The following EIF2AK1 variants were observed in gnomAD, a reference collection of about 807,000 sequenced individuals.
EIF2AK1 encodes the protein eukaryotic translation initiation factor 2 alpha kinase 1.
EIF2AK1 carries 54 observed loss-of-function variants against 77.9 expected under a neutral mutation model. That is an observed-to-expected ratio of 0.69 (90% CI 0.56 to 0.87). EIF2AK1 has a LOEUF of 0.87. Among genes scored for constraint, EIF2AK1 ranks in the 40% least tolerant of loss-of-function variants. EIF2AK1 has a pLI of 0.00. For synonymous variants in EIF2AK1, 314 were observed against 290.5 expected, an observed-to-expected ratio of 1.08 and a Z score of -0.82; for missense variants, 810 against 768.6, an observed-to-expected ratio of 1.05 and a Z score of -0.64.
At position 6,029,120 on chromosome 7, in the gene EIF2AK1, G is replaced by C. The variant is rs1787829202; in HGVS notation, c.1333-88C>G. The C allele has an allele frequency of 2.7e-6, 3 of 1,097,668 alleles. No homozygotes were observed. The African/African-American group carries it at 4.8e-5, about 17-fold the overall frequency. 68.0% of individuals were successfully genotyped at this position (1,097,668 alleles called of 1,614,324 possible). A position where few individuals can be genotyped will look rare whatever the true frequency, so the allele number is the denominator to read the frequency against. On this transcript the variant is annotated intron_variant, in intron 11 of 14. Coordinates refer to ENST00000199389, the MANE Select transcript of EIF2AK1 (RefSeq NM_014413.4). Reference sequence around the variant, plus strand: ...AATGTTTTTAAGTGTTTGGAACTCAGGAGCAAGCAGCCCCTCAAAAGTTAA... The same window carrying C: ...AATGTTTTTAAGTGTTTGGAACTCACGAGCAAGCAGCCCCTCAAAAGTTAA...
rs751740812 is a variant in EIF2AK1, at chr7:6,023,349, C to A, written c.*1324G>T. 2.9e-5 allele frequency: 46 copies of A among 1,611,036 alleles called. 1 individual carries two copies. The South Asian group carries it at 4.9e-4, about 17-fold the overall frequency. ...TCAGCATCCAGACGATGTGCCCCAT[C>A]GAAGGCGAAGGGAACATTGCACGTT... is the stretch of plus-strand genomic sequence containing the variant. On this transcript the variant is annotated 3_prime_UTR_variant, in exon 15 of 15. Coordinates refer to ENST00000199389, the MANE Select transcript of EIF2AK1 (RefSeq NM_014413.4).
Position 6,038,167 on chromosome 7 carries a change from C to G in EIF2AK1, c.1231+393G>C, listed in dbSNP as rs1020910434. Among the ~76,000 whole-genome samples the G allele has an allele frequency of 3.3e-5, 5 of 152,286 alleles. No individual in the cohort carries two copies. In the East Asian group the frequency reaches 9.6e-4, roughly 29 times the overall value. On this transcript the variant is annotated intron_variant, in intron 10 of 14. Transcript: ENST00000199389. ...CATTCTGGCCAGGTGCAGACGCTCA[C>G]GCCTATAATCTCAGCACTTTGGGAG...
In EIF2AK1 at chr7:6,035,901, GT is replaced by G; in HGVS notation, c.1332+1522del. On this transcript the variant is annotated intron_variant, in intron 11 of 14. Coordinates refer to ENST00000199389, the MANE Select transcript of EIF2AK1 (RefSeq NM_014413.4). The surrounding 1 kb of genome is among the most constrained non-coding windows in gnomAD (Gnocchi z 5.5). ...AGCAGGCCGACTCCTCGGGGCGGGGGTCAGCTGCATCCGTCTGCTACTCACT... is the reference window on the plus strand; with the variant it reads ...AGCAGGCCGACTCCTCGGGGCGGGGGCAGCTGCATCCGTCTGCTACTCACT... 1 of 1,546,870 alleles carries G rather than the reference GT, an allele frequency of 6.5e-7. No homozygotes were observed. Among genetic ancestry groups the G allele is most frequent in the Non-Finnish European group, 8.7e-7 (1 of 1,144,632 alleles).
At chr7:6,028,826 C>T in intron 12 of EIF2AK1, 92 bp downstream of exon 12, 1 of 1,402,102 alleles carries the variant, frequency 7.1e-7, no homozygotes, top group Non-Finnish European at 1.0e-6. Flanking sequence ...CTTACCTTTG[C>T]TATTAAATCT....
chr7:6,044,230 C>T (rs941329389), intron 7 of EIF2AK1, among the ~76,000 whole-genome samples: 18 of 151,924 alleles, frequency 1.2e-4, no homozygotes, highest in South Asian at 2.1e-4. Context: ...TTTGGGAGGC[C>T]GAGGCGGGCG....
At position 6,033,715 on chromosome 7, in the gene EIF2AK1, G is replaced by A. The variant is rs573544791; in HGVS notation, c.1332+3709C>T. Among the ~76,000 whole-genome samples, 29 of 152,054 alleles carry A rather than the reference G, an allele frequency of 1.9e-4. 1 individual carries two copies. Among genetic ancestry groups the A allele is most frequent in the African/African-American group, 5.1e-4 (21 of 41,514 alleles). ...CTCCCAAGTAGCTGGGACTACAGGCGCCTGCCACCACGCCTGGCTAATTTT... is the reference window on the plus strand; with the variant it reads ...CTCCCAAGTAGCTGGGACTACAGGCACCTGCCACCACGCCTGGCTAATTTT... On this transcript the variant is annotated intron_variant, in intron 11 of 14. Transcript: ENST00000199389. This position sits in a 1 kb window ranked among gnomAD's most constrained non-coding sequence, Gnocchi z 4.4.
At position 6,028,612 on chromosome 7, in the gene EIF2AK1, T is replaced by TAC. The variant is rs1404758984; in HGVS notation, c.1530+1_1530+2dup. 6.2e-6 allele frequency: 10 copies of TAC among 1,613,954 alleles called. No homozygotes were observed. The highest frequency in any genetic ancestry group is 8.5e-6 in the Non-Finnish European group (10 of 1,179,820). On this transcript the variant is annotated splice_region_variant and intron_variant, in intron 13 of 14. Transcript: ENST00000199389. ...TGAAAGGGCAGAAAGCAACAAATAC[T>TAC]ACCTTGGCATCATACTCAGATCCTT...
At chr7:6,044,530 C>T (rs1788392431) in intron 7 of EIF2AK1, 32 bp downstream of exon 7, 4 of 1,587,446 alleles carry the variant, frequency 2.5e-6, no homozygotes, top group African/African-American at 2.7e-5. Flanking sequence ...TTTGCCAACG[C>T]TTCAACTACC....
At position 6,054,390 on chromosome 7, in the gene EIF2AK1, G is replaced by A. The variant is rs535994292; in HGVS notation, c.277+156C>T. 1.1e-4 allele frequency among the ~76,000 whole-genome samples: 16 copies of A among 152,184 alleles called. No individual in the cohort carries two copies. In the South Asian group the frequency reaches 3.1e-3, roughly 30 times the overall value. ...GGCTAATTTCCATATTTTGAGTAAA[G>A]AGGGGGTTTCGTCATGTTAGCCAAA... On this transcript the variant is annotated intron_variant, in intron 2 of 14. Transcript: ENST00000199389.
chr7:6,038,137 G>A (rs1468026714), intron 10 of EIF2AK1, among the ~76,000 whole-genome samples: 2 of 152,112 alleles, frequency 1.3e-5, no homozygotes, highest in Non-Finnish European at 2.9e-5. Flanking sequence ...AATTGATAAA[G>A]AAAACATTCT....
At chr7:6,031,701 A>G in intron 11 of EIF2AK1, 16 of 1,014,504 alleles carry the variant, frequency 1.6e-5, no homozygotes, top group Admixed American at 6.5e-5. Flanking sequence ...TGAGAATGAG[A>G]CACGACTCCA....
intron 5 of EIF2AK1, 92 bp downstream of exon 5, chr7:6,046,899 CA>C: frequency 3.3e-6 from 4 of 1,228,116 alleles, no homozygotes; most frequent in Non-Finnish European, 4.5e-6. Flanking sequence ...GACTCCATCT[CA>C]AAAAAATAAA....
In EIF2AK1 at chr7:6,036,305, C is replaced by G; in HGVS notation, c.1332+1119G>C. On this transcript the variant is annotated intron_variant, in intron 11 of 14. Transcript: ENST00000199389. This position sits in a 1 kb window ranked among gnomAD's most constrained non-coding sequence, Gnocchi z 4.6. ...TCAGGAATATTTATGGTGAGAAATACAAACAGCACTTGAAGCAATTCCTCC... is the reference window on the plus strand; with the variant it reads ...TCAGGAATATTTATGGTGAGAAATAGAAACAGCACTTGAAGCAATTCCTCC... 2.6e-6 allele frequency: 4 copies of G among 1,547,680 alleles called. No individual in the cohort carries two copies. Among genetic ancestry groups the G allele is most frequent in the Non-Finnish European group, 3.5e-6 (4 of 1,146,196 alleles).
rs371787803 is a variant in EIF2AK1, at chr7:6,028,601, G to T, written c.1530+14C>A. On this transcript the variant is annotated intron_variant, in intron 13 of 14. Coordinates refer to ENST00000199389, the MANE Select transcript of EIF2AK1 (RefSeq NM_014413.4). Reference sequence around the variant, plus strand: ...AATAAGTTGAATGAAAGGGCAGAAAGCAACAAATACTACCTTGGCATCATA... The same window carrying T: ...AATAAGTTGAATGAAAGGGCAGAAATCAACAAATACTACCTTGGCATCATA... 12 of 1,613,160 alleles carry T rather than the reference G, an allele frequency of 7.4e-6. No homozygotes were observed. Among genetic ancestry groups the T allele is most frequent in the East Asian group, 2.2e-5 (1 of 44,892 alleles).
At chr7:6,055,129 G>A (rs879479156) in intron 1 of EIF2AK1, among the ~76,000 whole-genome samples, 4 of 151,892 alleles carry the variant, frequency 2.6e-5, no homozygotes, top group Non-Finnish European at 5.9e-5. Context: ...GATCACCTGA[G>A]GTCAGGAGTT....
At chr7:6,044,752 G>T in intron 6 of EIF2AK1, 91 bp from the exon 7 acceptor site, 1 of 1,052,976 alleles carries the variant, frequency 9.5e-7, no homozygotes, top group Non-Finnish European at 1.4e-6. Context: ...AATACAGATG[G>T]CCCCTGACTT....
chr7:6,040,466 C>T (rs1788264133), intron 9 of EIF2AK1, among the ~76,000 whole-genome samples: 1 of 152,138 alleles, frequency 6.6e-6, no homozygotes, highest in African/African-American at 2.4e-5. Flanking sequence ...CTCCTGAAAA[C>T]TACAACTAAC....
intron 1 of EIF2AK1, among the ~76,000 whole-genome samples, chr7:6,056,636 A>ATATATATATATATATATATATATAT (rs1554324739): frequency 1.7e-5 from 2 of 118,902 alleles, no homozygotes; most frequent in African/African-American, 6.7e-5. Context: ...ATATATATAT[A>ATATATATATATATATATATATATAT]AACTCTGTCT....
intron 1 of EIF2AK1, among the ~76,000 whole-genome samples, chr7:6,056,795 T>C (rs1349545072): frequency 1.3e-5 from 2 of 151,454 alleles, no homozygotes; most frequent in Non-Finnish European, 2.9e-5. Context: ...ATCACAATGT[T>C]ACAGAAAAGA....
Sources: allele counts gnomAD v4.1 joint callset (sites outside exome capture counted in the v4.1 genomes callset), GRCh38; gene constraint gnomAD v4.1.1; non-coding constraint Gnocchi (gnomAD v3.1); transcripts MANE v1.5; gene names NCBI Gene and HGNC (gene_info 2026-07-23, HGNC 2026-07-21).